The following LPP variants were observed in gnomAD, a reference collection of about 807,000 sequenced individuals.
LPP encodes the protein LIM domain containing preferred translocation partner in lipoma.
LPP carries 38 observed loss-of-function variants against 60.4 expected under a neutral mutation model. The ratio of observed to expected loss-of-function variants is 0.63; its 90% CI spans 0.49 to 0.83. The LOEUF (loss-of-function observed/expected upper bound fraction) is 0.83. Among genes scored for constraint, LPP ranks in the 40% least tolerant of loss-of-function variants. LPP has a pLI of 0.00. For missense variants in LPP, 902 were observed against 783.6 expected, an observed-to-expected ratio of 1.15 and a Z score of -1.80; for synonymous variants, 328 against 290.8, an observed-to-expected ratio of 1.13 and a Z score of -1.30.
chr3:188,603,666 G>A lies in LPP; in HGVS notation c.430-5495G>A, dbSNP rs545619104. Among the ~76,000 whole-genome samples, 169 of 152,164 alleles carry A rather than the reference G, an allele frequency of 1.1e-3. 1 individual carries two copies. The highest frequency in any genetic ancestry group is 0.01 in the Middle Eastern group (3 of 294). On this transcript the variant is annotated intron_variant, in intron 6 of 11. Transcript: ENST00000617246. The stretch of plus-strand genomic sequence containing the variant: ...TTACACATTTTTGGGGTTACCAATA[G>A]GTATTTTAGCTTGTGTTTTCTGCCA...
At chr3:188,553,083 C>G (rs1234232307) in intron 6 of LPP, among the ~76,000 whole-genome samples, 2 of 152,094 alleles carry the variant, frequency 1.3e-5, no homozygotes, top group Non-Finnish European at 2.9e-5. Flanking sequence ...TCAATTCTAC[C>G]TAGTAGAGGA....
intron 1 of LPP, among the ~76,000 whole-genome samples, chr3:188,184,729 G>A (rs528952530): frequency 6.7e-6 from 1 of 150,036 alleles, no homozygotes; most frequent in Admixed American, 6.7e-5. Context: ...AAGAGCAGGG[G>A]TACATTTTGT....
chr3:188,782,047 A>G (rs1739955438), intron 9 of LPP, among the ~76,000 whole-genome samples: 1 of 152,200 alleles, frequency 6.6e-6, no homozygotes, highest in South Asian at 2.1e-4. Context: ...CAGAAAAAGG[A>G]CATCTTTTTA....
intron 9 of LPP, among the ~76,000 whole-genome samples, chr3:188,804,028 T>A (rs916046236): frequency 2.6e-5 from 4 of 151,390 alleles, no homozygotes; most frequent in African/African-American, 9.7e-5. Context: ...TTCCTAAGGT[T>A]TATAATGAAG....
chr3:188,299,622 G>A (rs1050518588), intron 2 of LPP, among the ~76,000 whole-genome samples: 3 of 152,196 alleles, frequency 2.0e-5, no homozygotes, highest in African/African-American at 7.2e-5. Flanking sequence ...CCGTCCCACT[G>A]TGAGGTGAGG....
At chr3:188,208,873 C>T (rs566968709) in intron 1 of LPP, among the ~76,000 whole-genome samples, 8 of 150,976 alleles carry the variant, frequency 5.3e-5, no homozygotes, top group South Asian at 2.1e-4. Flanking sequence ...CTTTGTCTTG[C>T]GAATGACCTC....
At chr3:188,661,596 GT>G (rs1354634945) in intron 7 of LPP, among the ~76,000 whole-genome samples, 2 of 152,156 alleles carry the variant, frequency 1.3e-5, no homozygotes, top group Non-Finnish European at 2.9e-5. Flanking sequence ...GTTTGGTGAG[GT>G]GTCTGTTCAG....
At chr3:188,530,418 A>T (rs1163893713) in intron 6 of LPP, among the ~76,000 whole-genome samples, 1 of 152,256 alleles carries the variant, frequency 6.6e-6, no homozygotes, top group Middle Eastern at 3.2e-3. Flanking sequence ...AGAAGAACAG[A>T]TGTGAAAAGT....
intron 6 of LPP, among the ~76,000 whole-genome samples, chr3:188,580,091 C>G (rs549286358): frequency 2.6e-5 from 4 of 151,990 alleles, no homozygotes; most frequent in Non-Finnish European, 1.5e-5. Context: ...TAAACCTCGG[C>G]TTATACAAAC....
chr3:188,794,769 G>C (rs1277756506), intron 9 of LPP, among the ~76,000 whole-genome samples: 1 of 151,994 alleles, frequency 6.6e-6, no homozygotes, highest in Admixed American at 6.6e-5. Context: ...GAAAAAAATG[G>C]CCCCAAGATT....
Position 188,765,861 on chromosome 3 carries a change from C to CTTTTTTTTTTTTTTTTT in LPP, c.1410+5589_1410+5605dup, listed in dbSNP as rs71169019. 3.2e-5 allele frequency among the ~76,000 whole-genome samples: 3 copies of CTTTTTTTTTTTTTTTTT among 92,618 alleles called. 1 individual carries two copies. The highest frequency in any genetic ancestry group is 2.0e-5 in the Non-Finnish European group (1 of 49,900). The allele number at this position is 92,618 out of a possible 152,430, so 60.8% of individuals were successfully genotyped here. A position where few individuals can be genotyped will look rare whatever the true frequency, so the allele number is the denominator to read the frequency against. On this transcript the variant is annotated intron_variant, in intron 9 of 11. Coordinates refer to ENST00000617246, the MANE Select transcript of LPP (RefSeq NM_001375462.1). ...GCAACGTGCAACTTAATGTTCAACT[C>CTTTTTTTTTTTTTTTTT]TTTTTTTTTTTTTTTTTTTTTTTTT...
intron 4 of LPP, among the ~76,000 whole-genome samples, chr3:188,480,386 C>T (rs1804444230): frequency 6.6e-6 from 1 of 152,186 alleles, no homozygotes; most frequent in Admixed American, 6.5e-5. Context: ...CAAGATATGT[C>T]TCAGCATCTC....
intron 3 of LPP, among the ~76,000 whole-genome samples, chr3:188,365,072 A>T (rs759253769): frequency 1.3e-4 from 19 of 150,408 alleles, no homozygotes; most frequent in Non-Finnish European, 2.1e-4. Flanking sequence ...AGTCCTCCTT[A>T]TGTTTTTTTC....
Position 188,619,330 on chromosome 3 carries a change from C to T in LPP, c.1113+9486C>T, listed in dbSNP as rs183052642. ...GTGAGCCACCACGCCTGGACAGAAA[C>T]CATGCTTTATAATCCTGCTACCCAC... On this transcript the variant is annotated intron_variant, in intron 7 of 11. Transcript: ENST00000617246. 1.3e-3 allele frequency among the ~76,000 whole-genome samples: 195 copies of T among 152,242 alleles called. 1 individual carries two copies. Among genetic ancestry groups the T allele is most frequent in the African/African-American group, 4.6e-3 (190 of 41,546 alleles).
At chr3:188,692,290 A>G (rs956298568) in intron 7 of LPP, among the ~76,000 whole-genome samples, 5 of 152,214 alleles carry the variant, frequency 3.3e-5, no homozygotes, top group African/African-American at 1.2e-4. Context: ...CCTTCGAGAC[A>G]TCACTGACAT....
chr3:188,849,822 A>G (rs1189739829), intron 9 of LPP, among the ~76,000 whole-genome samples: 1 of 152,252 alleles, frequency 6.6e-6, no homozygotes, highest in East Asian at 1.9e-4. Context: ...ATCTAATGGT[A>G]CAGATACCAG....
intron 1 of LPP, among the ~76,000 whole-genome samples, chr3:188,186,615 G>A (rs1475618161): frequency 6.6e-6 from 1 of 151,080 alleles, no homozygotes; most frequent in East Asian, 1.9e-4. Flanking sequence ...TTTAAAAGGT[G>A]CTATAATACA....
At chr3:188,775,862 C>T (rs1242043515) in intron 9 of LPP, among the ~76,000 whole-genome samples, 1 of 152,170 alleles carries the variant, frequency 6.6e-6, no homozygotes, top group Non-Finnish European at 1.5e-5. Flanking sequence ...AGATTTTTCT[C>T]AAGGGTATTT....
chr3:188,296,357 C>T (rs547778521), intron 2 of LPP, among the ~76,000 whole-genome samples: 9 of 152,182 alleles, frequency 5.9e-5, no homozygotes, highest in Admixed American at 2.0e-4. Context: ...AGGTTGGCCC[C>T]GTCTGAGAAG....
Sources: allele counts gnomAD v4.1 joint callset (sites outside exome capture counted in the v4.1 genomes callset), GRCh38; gene constraint gnomAD v4.1.1; transcripts MANE v1.5; gene names NCBI Gene and HGNC (gene_info 2026-07-23, HGNC 2026-07-21).